Variants in SPRED1 observed in about 807,000 individuals in gnomAD.
SPRED1 encodes sprouty related EVH1 domain containing 1.
Under a neutral mutation model 52.3 loss-of-function variants are expected in SPRED1, and 18 were observed. The observed-to-expected ratio is 0.34, with a 90% confidence interval of 0.24 to 0.51. The LOEUF (loss-of-function observed/expected upper bound fraction) is 0.51. Ranked by LOEUF, SPRED1 falls within the 20% of genes least tolerant of loss-of-function variation. The pLI is 0.97. For missense variants in SPRED1, 485 were observed against 551.0 expected (o/e 0.88, Z 1.20); for synonymous variants, 155 against 179.7 (o/e 0.86, Z 1.10).
chr15:38,265,849 G>T (rs1894298122), intron 1 of SPRED1, among the ~76,000 whole-genome samples: 1 of 152,108 alleles, frequency 6.6e-6, no homozygotes, highest in Admixed American at 6.5e-5. Flanking sequence ...GGGAGAGGAA[G>T]ATTTTTCAGC....
chr15:38,284,477 A>G (rs1397325018), intron 1 of SPRED1, among the ~76,000 whole-genome samples: 1 of 152,020 alleles, frequency 6.6e-6, no homozygotes, highest in African/African-American at 2.4e-5. Context: ...GTTTTTTCCT[A>G]GTTTGTCATT....
chr15:38,260,361 A>G (rs1175842858), intron 1 of SPRED1, among the ~76,000 whole-genome samples: 3 of 152,092 alleles, frequency 2.0e-5, no homozygotes, highest in Non-Finnish European at 4.4e-5. Context: ...TTCTATCTTC[A>G]TTTGAGTGAT....
At chr15:38,285,614 GA>G (rs1400823145) in intron 1 of SPRED1, among the ~76,000 whole-genome samples, 1 of 152,172 alleles carries the variant, frequency 6.6e-6, no homozygotes, top group African/African-American at 2.4e-5. Flanking sequence ...GGCTGGAGAT[GA>G]AGTCACACAG....
At chr15:38,348,157 A>T (rs1179523488) in intron 5 of SPRED1, among the ~76,000 whole-genome samples, 1 of 152,026 alleles carries the variant, frequency 6.6e-6, no homozygotes, top group African/African-American at 2.4e-5. Context: ...TCAGGAAAAA[A>T]AATTGTTCTC....
At chr15:38,259,682 T>C (rs1894167014) in intron 1 of SPRED1, among the ~76,000 whole-genome samples, 1 of 145,486 alleles carries the variant, frequency 6.9e-6, no homozygotes, top group Non-Finnish European at 1.5e-5. Flanking sequence ...TATGCTTTAC[T>C]TACAGAAGTA....
chr15:38,278,160 C>G (rs1216652387), intron 1 of SPRED1, among the ~76,000 whole-genome samples: 1 of 152,104 alleles, frequency 6.6e-6, no homozygotes, highest in Non-Finnish European at 1.5e-5. Context: ...GACAGAAATT[C>G]ATGTTTGTTA....
chr15:38,336,347 A>G (rs1895914093), intron 4 of SPRED1, among the ~76,000 whole-genome samples: 1 of 148,550 alleles, frequency 6.7e-6, no homozygotes, highest in African/African-American at 2.5e-5. Context: ...GAACCAGCCC[A>G]AATGCCCATC....
chr15:38,346,206 A>C (rs539690248), intron 5 of SPRED1, among the ~76,000 whole-genome samples: 2 of 151,868 alleles, frequency 1.3e-5, no homozygotes, highest in Non-Finnish European at 2.9e-5. Flanking sequence ...AGTCTCAGCT[A>C]CTCAGGAGTC....
chr15:38,351,888 A>G lies in SPRED1; in HGVS notation c.*224A>G. On this transcript the variant is annotated 3_prime_UTR_variant, in exon 7 of 7. Coordinates refer to ENST00000299084, the MANE Select transcript of SPRED1 (RefSeq NM_152594.3). Reference sequence around the variant, plus strand: ...CAGGTTGTAGAGTATTTGCAGAAGGAAACCATTTCTGGTTATTTGGCTATA... The same window carrying G: ...CAGGTTGTAGAGTATTTGCAGAAGGGAACCATTTCTGGTTATTTGGCTATA... 1.7e-6 allele frequency: 1 copy of G among 603,438 alleles called. No individual in the cohort carries two copies. Among genetic ancestry groups the G allele is most frequent in the Non-Finnish European group, 2.9e-6 (1 of 344,782 alleles). 37.4% of individuals were successfully genotyped at this position (603,438 alleles called of 1,614,324 possible). A position where few individuals can be genotyped will look rare whatever the true frequency, so the allele number is the denominator to read the frequency against.
chr15:38,322,446 G>A (rs751419479), intron 3 of SPRED1, 37 bp downstream of exon 3: 40 of 1,599,496 alleles, frequency 2.5e-5, no homozygotes, highest in African/African-American at 2.4e-4. Context: ...TTTATTTATC[G>A]GTTATATATA....
chr15:38,266,466 C>G (rs1343961668), intron 1 of SPRED1, among the ~76,000 whole-genome samples: 1 of 151,786 alleles, frequency 6.6e-6, no homozygotes, highest in Non-Finnish European at 1.5e-5. Context: ...ATGGCAAAAC[C>G]CTTTCTCTAC....
intron 1 of SPRED1, among the ~76,000 whole-genome samples, chr15:38,278,404 TC>T (rs760875657): frequency 1.4e-4 from 21 of 152,132 alleles, no homozygotes; most frequent in Non-Finnish European, 2.6e-4. Context: ...GATTGCTTGA[TC>T]CTGGGAGCTG....
rs1222730486 is a variant in SPRED1, at chr15:38,353,113, TAGAG to T, written c.*1450_*1453del. 1 of 152,514 alleles carries T rather than the reference TAGAG, an allele frequency of 6.6e-6. No homozygotes were observed. The highest frequency in any genetic ancestry group is 1.5e-5 in the Non-Finnish European group (1 of 67,940). The allele number at this position is 152,514 out of a possible 1,614,324, so 9.4% of individuals were successfully genotyped here. A position where few individuals can be genotyped will look rare whatever the true frequency, so the allele number is the denominator to read the frequency against. Reference sequence around the variant, plus strand: ...AAAGGGTTCTTTAAGAACATTCCCTTAGAGGGATAAAGTTGAGAAGTGTGCCTTT... The same window carrying T: ...AAAGGGTTCTTTAAGAACATTCCCTTGGATAAAGTTGAGAAGTGTGCCTTT... On this transcript the variant is annotated 3_prime_UTR_variant, in exon 7 of 7. Coordinates refer to ENST00000299084, the MANE Select transcript of SPRED1 (RefSeq NM_152594.3).
At chr15:38,267,945 TC>T (rs1286735500) in intron 1 of SPRED1, among the ~76,000 whole-genome samples, 2 of 152,238 alleles carry the variant, frequency 1.3e-5, no homozygotes, top group Non-Finnish European at 2.9e-5. Context: ...TAAAAAGCTT[TC>T]CATCTTTTCC....
In SPRED1 at chr15:38,278,258, G is replaced by T. The variant is rs531868461; in HGVS notation, c.33-21115G>T. Reference sequence around the variant, plus strand: ...GCACTTTGGGAGGTCCAGGTGGGCAGATTGCTTGAGCCCAGGAGTTTGAGA... The same window carrying T: ...GCACTTTGGGAGGTCCAGGTGGGCATATTGCTTGAGCCCAGGAGTTTGAGA... On this transcript the variant is annotated intron_variant, in intron 1 of 6. Transcript: ENST00000299084. 1.2e-3 allele frequency among the ~76,000 whole-genome samples: 177 copies of T among 152,288 alleles called. 1 individual carries two copies. Among genetic ancestry groups the T allele is most frequent in the African/African-American group, 3.9e-3 (163 of 41,562 alleles).
At chr15:38,328,742 C>T (rs2140999499) in intron 4 of SPRED1, among the ~76,000 whole-genome samples, 1 of 152,188 alleles carries the variant, frequency 6.6e-6, no homozygotes, top group South Asian at 2.1e-4. Flanking sequence ...GTTTTTGAGA[C>T]AGGGTCTTAC....
At chr15:38,324,942 G>A (rs1895683820) in intron 4 of SPRED1, 133 bp downstream of exon 4, 1 of 792,516 alleles carries the variant, frequency 1.3e-6, no homozygotes, top group Non-Finnish European at 2.1e-6. Flanking sequence ...CAGAAGAAAA[G>A]AACCAATACA....
chr15:38,303,044 C>T (rs561489040), intron 2 of SPRED1, among the ~76,000 whole-genome samples: 3 of 152,136 alleles, frequency 2.0e-5, no homozygotes, highest in South Asian at 2.1e-4. Flanking sequence ...ATTAGCCAGG[C>T]GTGGTGGCAC....
chr15:38,270,049 A>C (rs1375694399), intron 1 of SPRED1, among the ~76,000 whole-genome samples: 2 of 152,118 alleles, frequency 1.3e-5, no homozygotes, highest in African/African-American at 4.8e-5. Flanking sequence ...CTGGGATTAA[A>C]GACGTGTGCC....
Sources: allele counts gnomAD v4.1 joint callset (sites outside exome capture counted in the v4.1 genomes callset), GRCh38; gene constraint gnomAD v4.1.1; transcripts MANE v1.5; gene names NCBI Gene and HGNC (gene_info 2026-07-23, HGNC 2026-07-21).